DMD: variants seen among roughly 807,000 people sequenced by gnomAD.
DMD encodes dystrophin.
Under a neutral mutation model 330.1 loss-of-function variants are expected in DMD, and 63 were observed. The ratio of observed to expected loss-of-function variants is 0.19; its 90% CI spans 0.16 to 0.24. DMD has a LOEUF of 0.24. Ranked by LOEUF, DMD falls within the 10% of genes least tolerant of loss-of-function variation. The pLI, the probability that DMD is intolerant of heterozygous loss-of-function variation, is 1.00. For synonymous variants in DMD, 1,223 were observed against 959.8 expected (o/e 1.27, Z -5.07); for missense variants, 3,344 against 2,684.1 (o/e 1.25, Z -5.43).
intron 67 of DMD, among the ~76,000 whole-genome samples, chrX:31,189,647 T>G (rs975880643): frequency 2.7e-5 from 3 of 112,043 alleles, no homozygotes; most frequent in Non-Finnish European, 5.6e-5. Context: ...TTTCCTAAAT[T>G]GCAGATTAAT....
chrX:32,850,183 A>G (rs2081025102), intron 2 of DMD, among the ~76,000 whole-genome samples: 2 of 111,513 alleles, frequency 1.8e-5, no homozygotes, highest in East Asian at 2.8e-4. Context: ...AAAGACCACA[A>G]TCTACCTGGG....
intron 63 of DMD, among the ~76,000 whole-genome samples, chrX:31,225,648 G>C (rs973453441): frequency 4.5e-5 from 5 of 111,809 alleles, no homozygotes; most frequent in Non-Finnish European, 9.4e-5. Context: ...CACCTGGAGT[G>C]GATAGTTTAA....
At chrX:31,758,188 AG>A (rs1171434522) in intron 51 of DMD, among the ~76,000 whole-genome samples, 3 of 111,031 alleles carry the variant, frequency 2.7e-5, no homozygotes, top group African/African-American at 9.8e-5. Context: ...AACTCTCCAA[AG>A]TGTAGGTCAA....
intron 62 of DMD, chrX:31,266,935 C>A: frequency 8.7e-7 from 1 of 1,151,701 alleles, no homozygotes; most frequent in Non-Finnish European, 1.2e-6. Context: ...GCCGCCCAAG[C>A]TCACAGCTGA....
chrX:32,040,926 C>T (rs1409652812), intron 44 of DMD, among the ~76,000 whole-genome samples: 2 of 111,160 alleles, frequency 1.8e-5, no homozygotes, highest in Non-Finnish European at 3.8e-5. Flanking sequence ...AACCGTGCAT[C>T]CATAAGATAA....
At chrX:33,032,971 C>T (rs115273248) in intron 1 of DMD, among the ~76,000 whole-genome samples, 3,184 of 111,952 alleles carry the variant, frequency 0.028, 111 homozygotes, top group African/African-American at 0.099. Flanking sequence ...TGACGGGAAA[C>T]TTTGCAGTCA....
chrX:31,898,029 G>C (rs1441130290), intron 47 of DMD, among the ~76,000 whole-genome samples: 3 of 110,660 alleles, frequency 2.7e-5, no homozygotes, highest in East Asian at 5.7e-4. Context: ...AATGCCTCAA[G>C]AGAATAAAAT....
intron 41 of DMD, among the ~76,000 whole-genome samples, chrX:32,324,701 T>A (rs1473236711): frequency 1.8e-5 from 2 of 111,736 alleles, no homozygotes; most frequent in Admixed American, 9.5e-5. Context: ...CTGTAGTTGG[T>A]ACCTTACATA....
At chrX:32,220,223 C>A (rs1208774929) in intron 43 of DMD, among the ~76,000 whole-genome samples, 2 of 111,379 alleles carry the variant, frequency 1.8e-5, no homozygotes, top group Admixed American at 9.6e-5. Flanking sequence ...CTTTTTCTCT[C>A]GTCTCCTCGT....
At chrX:32,680,725 T>G (rs1422476696) in intron 9 of DMD, among the ~76,000 whole-genome samples, 1 of 111,247 alleles carries the variant, frequency 9.0e-6, no homozygotes, top group Admixed American at 9.6e-5. Context: ...ATTTTGAGCC[T>G]CAACATTGTT....
intron 2 of DMD, among the ~76,000 whole-genome samples, chrX:32,915,423 A>G (rs2087706976): frequency 8.9e-6 from 1 of 112,212 alleles, no homozygotes; most frequent in Admixed American, 9.5e-5. Context: ...AGACATAGCC[A>G]TCTTTTCTGG....
intron 13 of DMD, among the ~76,000 whole-genome samples, chrX:32,595,435 T>G (rs770681315): frequency 8.9e-6 from 1 of 111,765 alleles, no homozygotes; most frequent in African/African-American, 3.2e-5. Flanking sequence ...AAATACTCCA[T>G]GCCTTAGAAA....
rs966435850 is a variant in DMD at position 32,622,120 on chromosome X, C to A, written c.1332-7667G>T. ...AGGAGATTACTATGAATTATTTTGACATGAGACTTTTACATTCTCTTCCTG... is the reference window on the plus strand; with the variant it reads ...AGGAGATTACTATGAATTATTTTGAAATGAGACTTTTACATTCTCTTCCTG... On this transcript the variant is annotated intron_variant, in intron 11 of 78. Coordinates refer to ENST00000357033, the MANE Select transcript of DMD (RefSeq NM_004006.3). 4.5e-5 allele frequency among the ~76,000 whole-genome samples: 5 copies of A among 111,518 alleles called. No homozygotes were observed. The Admixed American group carries it at 4.8e-4, about 11-fold the overall frequency.
chrX:31,329,657 C>G (rs770525994), intron 61 of DMD, among the ~76,000 whole-genome samples: 1 of 110,818 alleles, frequency 9.0e-6, no homozygotes. Context: ...GTGTAGTGCA[C>G]TTAAAACTTA....
intron 44 of DMD, among the ~76,000 whole-genome samples, chrX:32,144,095 A>G (rs1344828515): frequency 1.8e-5 from 2 of 111,879 alleles, no homozygotes; most frequent in East Asian, 5.6e-4. Context: ...ACAATGTTCT[A>G]TGGAAATCTA....
At chrX:32,597,832 T>C (rs1335730593) in intron 12 of DMD, among the ~76,000 whole-genome samples, 1 of 112,212 alleles carries the variant, frequency 8.9e-6, no homozygotes, top group Non-Finnish European at 1.9e-5. Flanking sequence ...CTATTTATTA[T>C]TGGGATTTCT....
At chrX:31,701,127 C>T (rs960231752) in intron 52 of DMD, among the ~76,000 whole-genome samples, 3 of 112,300 alleles carry the variant, frequency 2.7e-5, no homozygotes, top group African/African-American at 9.7e-5. Context: ...TAAATTTGCA[C>T]ATCAAATTTG....
At chrX:31,142,944 T>C (rs1405602221) in intron 76 of DMD, among the ~76,000 whole-genome samples, 1 of 111,954 alleles carries the variant, frequency 8.9e-6, no homozygotes, top group Non-Finnish European at 1.9e-5. Flanking sequence ...CTAATATGAC[T>C]TGTCTCATGT....
intron 2 of DMD, among the ~76,000 whole-genome samples, chrX:32,923,422 G>A (rs1223772310): frequency 1.8e-5 from 2 of 109,964 alleles, no homozygotes; most frequent in Non-Finnish European, 3.8e-5. Flanking sequence ...TTAGATGGGT[G>A]TGGTGGCACA....
Sources: gnomAD v4.1 joint callset for allele counts (sites outside exome capture counted in the v4.1 genomes callset) on GRCh38, gnomAD v4.1.1 for gene constraint, MANE v1.5 for transcripts, NCBI Gene and HGNC (gene_info 2026-07-23, HGNC 2026-07-21) for gene names.